Variants in GGA3 observed in about 807,000 individuals in gnomAD.
GGA3 encodes the protein golgi associated, gamma adaptin ear containing, ARF binding protein 3.
A neutral mutation model predicts 77.5 loss-of-function variants in GGA3; 57 were observed. The ratio of observed to expected loss-of-function variants is 0.74; its 90% CI spans 0.59 to 0.92. The LOEUF (loss-of-function observed/expected upper bound fraction) is 0.92, where lower values mean the gene tolerates loss of function less well. Ranked by LOEUF, GGA3 falls within the 40% of genes least tolerant of loss-of-function variation. The probability of loss-of-function intolerance (pLI) is 0.00; values close to 1 mark genes in which losing one functional copy is unlikely to be tolerated. For missense variants in GGA3, 970 were observed against 914.9 expected (o/e 1.06, Z -0.78); for synonymous variants, 416 against 383.7 (o/e 1.08, Z -0.98).
rs2076508002 is a variant in GGA3 at position 75,240,484 on chromosome 17, G to A, written c.1193-72C>T. 1.0e-5 allele frequency: 10 copies of A among 983,858 alleles called. No homozygotes were observed. The South Asian group carries it at 1.4e-4, about 14-fold the overall frequency. 60.9% of individuals were successfully genotyped at this position (983,858 alleles called of 1,614,324 possible). On this transcript the variant is annotated intron_variant, in intron 11 of 16. Coordinates refer to ENST00000537686, the MANE Select transcript of GGA3 (RefSeq NM_138619.4). ...CAGCCCTAGCCCCGCCTTGCCTGAG[G>A]AGGGGTCAGGTGACAAGTGACATCA...
chr17:75,243,543 C>T lies in GGA3; in HGVS notation c.328G>A (p.Val110Met). ...AGCAGCTCAATAACCTTGGTCTTCA[C>T]TTTCTCAGACACCCTGTCCCCCAGG... Reference protein sequence around the residue: ...KYLGDRVSEKVKTKVIELLYS... With the variant: ...KYLGDRVSEKMKTKVIELLYS... Residue 110 changes from valine (V) to methionine (M), a missense_variant, in exon 5 of 17, where the codon GTG (valine) becomes ATG (methionine). Val to Met is a conservative substitution (Grantham distance 21). Coordinates refer to ENST00000537686, the MANE Select transcript of GGA3 (RefSeq NM_138619.4). The T allele has an allele frequency of 6.2e-7, 1 of 1,614,124 alleles. No individual in the cohort carries two copies. Among genetic ancestry groups the T allele is most frequent in the Non-Finnish European group, 8.5e-7 (1 of 1,179,982 alleles).
At chr17:75,242,231 T>C (rs1389676470) in intron 8 of GGA3, 105 bp downstream of exon 8, 1 of 1,201,636 alleles carries the variant, frequency 8.3e-7, no homozygotes, top group Non-Finnish European at 1.2e-6. Flanking sequence ...CACTGCCAAG[T>C]GCACAGCCCG....
At chr17:75,244,824 AG>A (rs1163953006) in intron 3 of GGA3, 107 bp from the exon 4 acceptor site, 1 of 737,694 alleles carries the variant, frequency 1.4e-6, no homozygotes, top group Non-Finnish European at 2.4e-6. Flanking sequence ...ACACGCCCAC[AG>A]GAAGGAGCTC....
intron 16 of GGA3, 55 bp from the exon 17 acceptor site, chr17:75,238,444 C>T: frequency 6.9e-7 from 1 of 1,442,576 alleles, no homozygotes; most frequent in Admixed American, 1.8e-5. Flanking sequence ...TGGCAGGACG[C>T]CCTCTATTCT....
intron 1 of GGA3, among the ~76,000 whole-genome samples, chr17:75,258,996 G>C (rs112911235): frequency 0.12 from 16,830 of 143,424 alleles, 2,828 homozygotes; most frequent in African/African-American, 0.37. Flanking sequence ...CTCTGTCACC[G>C]AGGCTGGAGT....
At position 75,243,478 on chromosome 17, in the gene GGA3, G is replaced by C. The variant is rs767419056; in HGVS notation, c.393C>G (p.Ile131Met). The stretch of plus-strand genomic sequence containing the variant: ...TCTTCAGCATGTGGTAGGCGTCTTT[G>C]ATCTTTGCTTCTTCTGGCAGGGCCA... Reference protein sequence around the residue: ...WTMALPEEAKIKDAYHMLKRQ... With the variant: ...WTMALPEEAKMKDAYHMLKRQ... Residue 131 changes from isoleucine to methionine, a missense_variant, in exon 5 of 17, where the codon ATC (isoleucine) becomes ATG (methionine). Transcript: ENST00000537686. 3 of 1,614,214 alleles carry C rather than the reference G, an allele frequency of 1.9e-6. No homozygotes were observed. The highest frequency in any genetic ancestry group is 8.5e-7 in the Non-Finnish European group (1 of 1,180,040).
At chr17:75,244,966 A>G (rs571214127) in intron 3 of GGA3, among the ~76,000 whole-genome samples, 75 of 151,894 alleles carry the variant, frequency 4.9e-4, no homozygotes, top group Non-Finnish European at 4.9e-4. Flanking sequence ...AAACCCCGAG[A>G]CCCCGACCCC....
At chr17:75,240,523 C>CAGGGAGAAG (rs2076510056) in intron 11 of GGA3, 111 bp from the exon 12 acceptor site, 1 of 746,834 alleles carries the variant, frequency 1.3e-6, no homozygotes, top group African/African-American at 1.7e-5. Context: ...GGTGAAGGCG[C>CAGGGAGAAG]CGGGAGAAGC....
At chr17:75,238,476 G>A in intron 16 of GGA3, 87 bp from the exon 17 acceptor site, 2 of 1,220,614 alleles carry the variant, frequency 1.6e-6, no homozygotes, top group Non-Finnish European at 2.4e-6. Context: ...TGTGCTAGAG[G>A]AATGGTCCCT....
At position 75,239,028 on chromosome 17, in the gene GGA3, G is replaced by A; in HGVS notation, c.1836C>T (p.His612=). Residue 612 remains histidine (H), a synonymous_variant, in exon 15 of 17, where the codon CAC becomes CAT. Coordinates refer to ENST00000537686, the MANE Select transcript of GGA3 (RefSeq NM_138619.4). ...GTCCTGGGGGACACTCCTTGGCAAA[G>A]TGGAAGAGGATGCGGAAGCCGTTTT... ...YDKNGFRILF[H]FAKECPPGRP... is the part of the protein sequence containing the mutation. The A allele has an allele frequency of 6.2e-7, 1 of 1,614,102 alleles. No individual in the cohort carries two copies. The highest frequency in any genetic ancestry group is 8.5e-7 in the Non-Finnish European group (1 of 1,180,014).
intron 1 of GGA3, among the ~76,000 whole-genome samples, chr17:75,252,409 T>C (rs2076997801): frequency 6.6e-6 from 1 of 152,154 alleles, no homozygotes; most frequent in South Asian, 2.1e-4. Flanking sequence ...ACTATTCCTA[T>C]AAATGCTGCA....
In GGA3 at chr17:75,243,050, G is replaced by C; in HGVS notation, c.528+13C>G. ...CTCGTATGAGAAAATCCCAGGCCCAGGGTGTCCTTTACCTTGGACTTCTCC... is the reference window on the plus strand; with the variant it reads ...CTCGTATGAGAAAATCCCAGGCCCACGGTGTCCTTTACCTTGGACTTCTCC... On this transcript the variant is annotated intron_variant, in intron 6 of 16. Transcript: ENST00000537686. 1 of 1,588,108 alleles carries C rather than the reference G, an allele frequency of 6.3e-7. No individual in the cohort carries two copies. The highest frequency in any genetic ancestry group is 8.6e-7 in the Non-Finnish European group (1 of 1,157,474).
intron 12 of GGA3, 113 bp from the exon 13 acceptor site, chr17:75,240,221 G>T: frequency 8.7e-7 from 1 of 1,147,230 alleles, no homozygotes. Flanking sequence ...GGCACTCATT[G>T]TTCCCCGCTG....
chr17:75,246,598 A>G lies in GGA3; in HGVS notation c.126-14T>C, dbSNP rs1264806973. 1 of 1,612,002 alleles carries G rather than the reference A, an allele frequency of 6.2e-7. No individual in the cohort carries two copies. The highest frequency in any genetic ancestry group is 8.5e-7 in the Non-Finnish European group (1 of 1,178,200). On this transcript the variant is annotated splice_polypyrimidine_tract_variant and intron_variant, in intron 2 of 16. Transcript: ENST00000537686. ...GCGATCTGTGGCCTGGGGGACAAGC[A>G]GAACACACTCCAGTGCACTAAGCCT...
chr17:75,250,762 C>CAA lies in GGA3; in HGVS notation c.41-3968_41-3967dup, dbSNP rs5822078. Among the ~76,000 whole-genome samples the CAA allele has an allele frequency of 6.3e-3, 499 of 78,822 alleles. 4 individuals carry two copies. The highest frequency in any genetic ancestry group is 0.023 in the African/African-American group (472 of 20,364). 51.7% of individuals were successfully genotyped at this position (78,822 alleles called of 152,430 possible). ...GGGCAACAGAGTGAGACTCCATCTCCAAAAAAAAAAAAAAAAAAAATTATA... is the reference window on the plus strand; with the variant it reads ...GGGCAACAGAGTGAGACTCCATCTCCAAAAAAAAAAAAAAAAAAAAAATTATA... On this transcript the variant is annotated intron_variant, in intron 1 of 16. Transcript: ENST00000537686.
chr17:75,239,822 T>C lies in GGA3; in HGVS notation c.1550A>G (p.Asp517Gly). 5 of 1,613,860 alleles carry C rather than the reference T, an allele frequency of 3.1e-6. No individual in the cohort carries two copies. Among genetic ancestry groups the C allele is most frequent in the East Asian group, 4.5e-5 (2 of 44,880 alleles). Residue 517 changes from aspartate (D) to glycine (G), a missense_variant, in exon 13 of 17, where the codon GAT becomes GGT. Asp to Gly is a moderately conservative substitution (Grantham distance 94). Transcript: ENST00000537686. ...CTCTTCTAGAAGCTGATCGAGGGCA[T>C]CCAGGTGGTGCAGCGCGCTGTTGCC... Reference protein sequence around the residue: ...ALGNSALHHLDALDQLLEEAK... With the variant: ...ALGNSALHHLGALDQLLEEAK...
At chr17:75,256,743 C>T (rs2077164316) in intron 1 of GGA3, among the ~76,000 whole-genome samples, 1 of 152,092 alleles carries the variant, frequency 6.6e-6, no homozygotes, top group African/African-American at 2.4e-5. Context: ...CCCTCCCTTC[C>T]CTACACATCA....
Position 75,246,588 on chromosome 17 carries a change from G to C in GGA3, c.126-4C>G. 1 of 1,613,478 alleles carries C rather than the reference G, an allele frequency of 6.2e-7. No homozygotes were observed. The highest frequency in any genetic ancestry group is 8.5e-7 in the Non-Finnish European group (1 of 1,179,404). ...CAGTCGGACGGCGATCTGTGGCCTG[G>C]GGGACAAGCAGAACACACTCCAGTG... On this transcript the variant is annotated splice_region_variant and splice_polypyrimidine_tract_variant and intron_variant, in intron 2 of 16. Coordinates refer to ENST00000537686, the MANE Select transcript of GGA3 (RefSeq NM_138619.4).
intron 1 of GGA3, among the ~76,000 whole-genome samples, chr17:75,250,104 T>C (rs1015635914): frequency 6.6e-6 from 1 of 152,182 alleles, no homozygotes; most frequent in Non-Finnish European, 1.5e-5. Context: ...AAGGAACCTC[T>C]GGGGATAATT....
Sources: gnomAD v4.1 joint callset for allele counts (sites outside exome capture counted in the v4.1 genomes callset) on GRCh38, gnomAD v4.1.1 for gene constraint, MANE v1.5 for transcripts, NCBI Gene and HGNC (gene_info 2026-07-23, HGNC 2026-07-21) for gene names.